Variants in IGBP1 observed in about 807,000 individuals in gnomAD.
The protein encoded by IGBP1 is immunoglobulin binding protein 1, also known as immunoglobulin-binding protein 1.
Under a neutral mutation model 25.9 loss-of-function variants are expected in IGBP1, and 2 were observed. The ratio of observed to expected loss-of-function variants is 0.08; its 90% confidence interval spans 0.03 to 0.24. The LOEUF (loss-of-function observed/expected upper bound fraction) is 0.24, where lower values mean the gene tolerates loss of function less well. IGBP1 is among the 10% of genes least tolerant of loss of function. The pLI is 1.00. For synonymous variants in IGBP1, 96 were observed against 93.4 expected (o/e 1.03, Z -0.16); for missense variants, 187 against 260.4 (o/e 0.72, Z 1.94).
At chrX:70,162,906 G>A (rs1208895249) in intron 6 of IGBP1, among the ~76,000 whole-genome samples, 2 of 111,181 alleles carry the variant, frequency 1.8e-5, no homozygotes, top group Admixed American at 9.6e-5. Context: ...CCCAGGAGGC[G>A]GAGGTTGCAG....
At chrX:70,146,610 G>A in intron 3 of IGBP1, 23 bp from the exon 4 acceptor site, 1 of 1,178,560 alleles carries the variant, frequency 8.5e-7, no homozygotes, top group Non-Finnish European at 1.2e-6. Flanking sequence ...TAAGTTCATG[G>A]GTAATGCTTT....
chrX:70,156,287 TAAAAAAAAA>T (rs202174045), intron 6 of IGBP1, among the ~76,000 whole-genome samples: 6 of 74,295 alleles, frequency 8.1e-5, no homozygotes, highest in Admixed American at 1.5e-4. Flanking sequence ...TTCAATTTGT[TAAAAAAAAA>T]AAAAAAAAAA....
At chrX:70,142,949 G>A (rs1227522863) in intron 3 of IGBP1, among the ~76,000 whole-genome samples, 5 of 80,560 alleles carry the variant, frequency 6.2e-5, no homozygotes, top group African/African-American at 2.3e-4. Flanking sequence ...GTGAGACAGA[G>A]TTTCACTCTT....
chrX:70,153,025 G>A (rs1484936652), intron 6 of IGBP1, among the ~76,000 whole-genome samples: 1 of 111,934 alleles, frequency 8.9e-6, no homozygotes, highest in African/African-American at 3.2e-5. Context: ...TAGTCAAACT[G>A]CAGAACACCA....
At chrX:70,140,837 A>G (rs2085125089) in intron 3 of IGBP1, among the ~76,000 whole-genome samples, 1 of 112,167 alleles carries the variant, frequency 8.9e-6, no homozygotes. Flanking sequence ...CTAAAGTGAC[A>G]ACTGGATAGT....
intron 3 of IGBP1, among the ~76,000 whole-genome samples, chrX:70,141,828 C>A (rs1335945173): frequency 9.0e-6 from 1 of 110,886 alleles, no homozygotes; most frequent in Non-Finnish European, 1.9e-5. Context: ...TTGCTGCTCA[C>A]AAAGCACTCT....
intron 4 of IGBP1, among the ~76,000 whole-genome samples, chrX:70,147,369 G>A (rs959170985): frequency 9.1e-6 from 1 of 110,420 alleles, no homozygotes; most frequent in Non-Finnish European, 1.9e-5. Context: ...GTTGCAGTGA[G>A]CTGAGATCAT....
At chrX:70,144,763 G>A (rs1326070633) in intron 3 of IGBP1, among the ~76,000 whole-genome samples, 2 of 95,776 alleles carry the variant, frequency 2.1e-5, no homozygotes, top group Non-Finnish European at 2.0e-5. Context: ...TGGTTCAAGC[G>A]ATTTTCCTGC....
chrX:70,154,691 C>T (rs1241616137), intron 6 of IGBP1, among the ~76,000 whole-genome samples: 2 of 57,401 alleles, frequency 3.5e-5, no homozygotes, highest in Non-Finnish European at 5.7e-5. Context: ...TCAGCTTGAG[C>T]AACATGGTAA....
At chrX:70,142,800 C>T (rs1602664083) in intron 3 of IGBP1, among the ~76,000 whole-genome samples, 1 of 109,085 alleles carries the variant, frequency 9.2e-6, no homozygotes, top group Non-Finnish European at 1.9e-5. Flanking sequence ...GCCTGCGCAA[C>T]GAAGTGAGAC....
At position 70,134,052 on chromosome X, in the gene IGBP1, C is replaced by T. The variant is rs1264539011; in HGVS notation, c.105C>T (p.Ser35=). The change falls in exon 2 of 7, where the codon TCC becomes TCT. Residue 35 remains serine (S), a synonymous_variant. Coordinates refer to ENST00000356413, the MANE Select transcript of IGBP1 (RefSeq NM_001551.3). The part of the protein sequence containing the change: ...EVEVATEPAG[S]RIVQEKVFKG... ...AAGTGGCGACTGAACCCGCCGGTTC[C>T]CGGATAGTCCAGGAGAAGGTGTTCA... 4.1e-6 allele frequency: 5 copies of T among 1,211,714 alleles called. No individual in the cohort carries two copies. The highest frequency in any genetic ancestry group is 1.7e-5 in the African/African-American group (1 of 57,912).
At chrX:70,144,578 C>T (rs1164938192) in intron 3 of IGBP1, among the ~76,000 whole-genome samples, 1 of 108,493 alleles carries the variant, frequency 9.2e-6, no homozygotes, top group Non-Finnish European at 1.9e-5. Flanking sequence ...AGTAAATGTC[C>T]ACTTGTTAGG....
chrX:70,133,958 A>G lies in IGBP1; in HGVS notation c.11A>G (p.Glu4Gly). The G allele has an allele frequency of 8.3e-7, 1 of 1,211,014 alleles. No individual in the cohort carries two copies. Residue 4 changes from glutamate (E) to glycine (G), a missense_variant, in exon 2 of 7, where the codon GAG becomes GGG. By Grantham distance (98) the Glu-to-Gly change is moderately conservative. Transcript: ENST00000356413. MAA[E>G]DELQLPRLPE... ...TCCTCTCTCCCCAAGATGGCTGCTG[A>G]GGACGAGTTACAGCTGCCGCGGCTC...
At chrX:70,157,106 A>T (rs755961231) in intron 6 of IGBP1, among the ~76,000 whole-genome samples, 1 of 112,448 alleles carries the variant, frequency 8.9e-6, no homozygotes, top group South Asian at 3.6e-4. Flanking sequence ...AAAAATAAAT[A>T]AAAGAGAATA....
intron 6 of IGBP1, among the ~76,000 whole-genome samples, chrX:70,156,811 G>A (rs1602675166): frequency 9.0e-6 from 1 of 110,600 alleles, no homozygotes; most frequent in African/African-American, 3.3e-5. Flanking sequence ...GTGGTGGCGG[G>A]CGCCTGTAAT....
intron 6 of IGBP1, among the ~76,000 whole-genome samples, chrX:70,157,301 A>G (rs1206507525): frequency 3.6e-5 from 4 of 110,944 alleles, no homozygotes; most frequent in African/African-American, 1.3e-4. Flanking sequence ...AGAAAGCCCA[A>G]AGTAAATAGA....
chrX:70,159,116 C>T (rs1038831873), intron 6 of IGBP1, among the ~76,000 whole-genome samples: 1 of 111,660 alleles, frequency 9.0e-6, no homozygotes, highest in African/African-American at 3.3e-5. Context: ...ATTAGAAAAA[C>T]TCAGAAATAT....
At position 70,140,711 on chromosome X, in the gene IGBP1, A is replaced by G. The variant is rs768697454; in HGVS notation, c.482+5895A>G. ...TCTTCATGTATGTCCTCTATTTCCC[A>G]TATTTGAGGAGTATGAGTCTGCTTG... On this transcript the variant is annotated intron_variant, in intron 3 of 6. Coordinates refer to ENST00000356413, the MANE Select transcript of IGBP1 (RefSeq NM_001551.3). Among the ~76,000 whole-genome samples the G allele has an allele frequency of 2.1e-4, 23 of 111,649 alleles. No individual in the cohort carries two copies. The South Asian group carries it at 8.3e-3, about 40-fold the overall frequency.
chrX:70,163,091 A>C (rs1171044109), intron 6 of IGBP1, among the ~76,000 whole-genome samples: 1 of 110,916 alleles, frequency 9.0e-6, no homozygotes, highest in Non-Finnish European at 1.9e-5. Flanking sequence ...TCACACTCTG[A>C]GCCCAGGCCA....
Sources: allele counts gnomAD v4.1 joint callset (sites outside exome capture counted in the v4.1 genomes callset), GRCh38; gene constraint gnomAD v4.1.1; transcripts MANE v1.5; gene names NCBI Gene and HGNC (gene_info 2026-07-23, HGNC 2026-07-21).